NEB: variants seen among roughly 807,000 people sequenced by gnomAD.
NEB encodes the protein nemaline myopathy type 2.
In NEB, 512 loss-of-function variants were observed where a neutral mutation model predicts 952.2. That is an observed-to-expected ratio of 0.54 (90% confidence interval 0.50 to 0.58). NEB has a LOEUF of 0.58. Ranked by LOEUF, NEB falls within the 20% of genes least tolerant of loss-of-function variation. NEB has a pLI of 0.00. For missense variants in NEB, 8,428 were observed against 9,231.1 expected (o/e 0.91, Z 3.56); for synonymous variants, 2,900 against 3,149.8 (o/e 0.92, Z 2.66).
At chr2:151,514,120 C>G (rs1161659531) in intron 159 of NEB, among the ~76,000 whole-genome samples, 198 bp downstream of exon 159, 1 of 152,152 alleles carries the variant, frequency 6.6e-6, no homozygotes, top group Non-Finnish European at 1.5e-5. Context: ...TACAGAAACA[C>G]ACTGTTACAA....
In NEB at chr2:151,506,222, T is replaced by C; in HGVS notation, c.23593A>G (p.Ile7865Val). 1 of 1,613,782 alleles carries C rather than the reference T, an allele frequency of 6.2e-7. No individual in the cohort carries two copies. The highest frequency in any genetic ancestry group is 1.1e-5 in the South Asian group (1 of 91,070). ...CTCATCATCTCAGGTGTCTTTCCGA[T>C]AGCCGTTCCTGGTGAGACATCCTCT... ...YKEDVSPGTA[I>V]GKTPEMMRVK... Residue 7865 changes from isoleucine to valine, a missense_variant, in exon 164 of 182, where the codon ATC (isoleucine) becomes GTC (valine). Ile to Val is a conservative substitution (Grantham distance 29). This residue lies in a region of NEB where 3,374 missense variants were observed against 3,651.5 expected (regional missense o/e 0.92). Transcript: ENST00000397345.
intron 76 of NEB, among the ~76,000 whole-genome samples, chr2:151,614,788 G>A (rs1338381819): frequency 6.6e-6 from 1 of 152,076 alleles, no homozygotes; most frequent in African/African-American, 2.4e-5. Context: ...CCACAAGCAG[G>A]TGGCAGCATG....
chr2:151,647,349 A>G (rs958231941), intron 54 of NEB, among the ~76,000 whole-genome samples: 1 of 152,004 alleles, frequency 6.6e-6, no homozygotes, highest in African/African-American at 2.4e-5. Context: ...ATCGCAGGTG[A>G]TCCACCTGCC....
chr2:151,496,818 A>T (rs576352358), intron 172 of NEB, 123 bp downstream of exon 172: 1 of 1,211,922 alleles, frequency 8.3e-7, no homozygotes, highest in African/African-American at 1.5e-5. Context: ...AAAAGGATAA[A>T]TTTGCTAAAG....
At position 151,496,939 on chromosome 2, in the gene NEB, A is replaced by C; in HGVS notation, c.24393+2T>G. 6.4e-7 allele frequency: 1 copy of C among 1,568,390 alleles called. No individual in the cohort carries two copies. The highest frequency in any genetic ancestry group is 8.7e-7 in the Non-Finnish European group (1 of 1,153,706). On this transcript the variant is annotated splice_donor_variant, in intron 172 of 181. Transcript: ENST00000397345. LOFTEE classifies it high-confidence loss of function. ...AGTTTTTTTCTTTTCTTGCCCAAGT[A>C]CCGAGCTAATATTTTCTTGATTGTG...
rs779548164 is a variant in NEB at position 151,650,713 on chromosome 2, AT to A, written c.7087del (p.Met2363CysfsTer57). On this transcript the variant is annotated frameshift_variant, in exon 53 of 182. Coordinates refer to ENST00000397345, the MANE Select transcript of NEB (RefSeq NM_001164508.2). LOFTEE classifies it high-confidence loss of function. ...WKTKFSSPVD[M>X]LGVVLAKKCQ... ...CTTCTTGGCCAGTACCACTCCCAAC[AT>A]GTCCACTGGGCTGGAGAACTTAGTT... 6.2e-7 allele frequency: 1 copy of A among 1,613,828 alleles called. No individual in the cohort carries two copies. The highest frequency in any genetic ancestry group is 8.5e-7 in the Non-Finnish European group (1 of 1,179,868).
chr2:151,684,460 C>T (rs1361409337), intron 28 of NEB, among the ~76,000 whole-genome samples: 1 of 152,074 alleles, frequency 6.6e-6, no homozygotes, highest in African/African-American at 2.4e-5. Flanking sequence ...CTCACCAGGG[C>T]CTGGCACCAT....
Position 151,690,833 on chromosome 2 carries a change from A to G in NEB, c.2212-8T>C. The G allele has an allele frequency of 6.5e-7, 1 of 1,545,034 alleles. No homozygotes were observed. Among genetic ancestry groups the G allele is most frequent in the Non-Finnish European group, 8.8e-7 (1 of 1,133,882 alleles). On this transcript the variant is annotated splice_region_variant and splice_polypyrimidine_tract_variant and intron_variant, in intron 23 of 181. Coordinates refer to ENST00000397345, the MANE Select transcript of NEB (RefSeq NM_001164508.2). ...ATGAACTTTGTAGGTATGCTAGAAA[A>G]GAAGATGTTCTTTAATGAAATATCA... is the stretch of plus-strand genomic sequence containing the variant.
chr2:151,505,691 G>C (rs763366939), intron 164 of NEB, 121 bp from the exon 165 acceptor site: 38 of 787,402 alleles, frequency 4.8e-5, no homozygotes, highest in African/African-American at 8.5e-5. Context: ...AATAACGCAG[G>C]CTTTATACTT....
At position 151,519,677 on chromosome 2, in the gene NEB, G is replaced by T; in HGVS notation, c.22571C>A (p.Ala7524Asp). ...DSQLYKVMKD[A>D]NNLASEVKYK... Reference sequence around the variant, plus strand: ...ACATACCTCACTTGCAAGATTATTAGCATCTTTCATGACTTTGTAGAGCTG... The same window carrying T: ...ACATACCTCACTTGCAAGATTATTATCATCTTTCATGACTTTGTAGAGCTG... The change falls in exon 154 of 182, where the codon GCT becomes GAT. Residue 7524 changes from alanine (A) to aspartate (D), a missense_variant. By Grantham distance (126) the Ala-to-Asp change is moderately radical. Coordinates refer to ENST00000397345, the MANE Select transcript of NEB (RefSeq NM_001164508.2). The T allele has an allele frequency of 6.2e-7, 1 of 1,609,786 alleles. No individual in the cohort carries two copies. The highest frequency in any genetic ancestry group is 8.5e-7 in the Non-Finnish European group (1 of 1,176,576).
intron 54 of NEB, among the ~76,000 whole-genome samples, chr2:151,646,934 T>C (rs2098967421): frequency 6.7e-6 from 1 of 150,344 alleles, no homozygotes; most frequent in Non-Finnish European, 1.5e-5. Context: ...GTCCAGCTTC[T>C]ATGTGACTTA....
intron 48 of NEB, 79 bp downstream of exon 48, chr2:151,657,904 C>CA (rs1239515771): frequency 1.3e-5 from 12 of 948,944 alleles, no homozygotes; most frequent in Non-Finnish European, 2.0e-5. Flanking sequence ...TGTGTCCACT[C>CA]AGTGTTTCCA....
At chr2:151,533,849 G>A (rs1488951175) in intron 142 of NEB, among the ~76,000 whole-genome samples, 1 of 152,236 alleles carries the variant, frequency 6.6e-6, no homozygotes, top group African/African-American at 2.4e-5. Flanking sequence ...ATAGTAAGGA[G>A]TTATGTCTTC....
In NEB at chr2:151,551,857, A is replaced by G. The variant is rs577874679; in HGVS notation, c.19837-12T>C. 1.4e-4 allele frequency: 217 copies of G among 1,591,728 alleles called. 1 individual carries two copies. In the South Asian group the frequency reaches 2.3e-3, roughly 17 times the overall value. ...TAGTGGTAGACAGCCTGGTGCAGAA[A>G]GAAGCATTGTTAGAAGCAAAGAGAA... is the stretch of plus-strand genomic sequence containing the variant. On this transcript the variant is annotated splice_polypyrimidine_tract_variant and intron_variant, in intron 128 of 181. Transcript: ENST00000397345.
chr2:151,651,431 G>A (rs1203035068), intron 52 of NEB, among the ~76,000 whole-genome samples: 1 of 152,154 alleles, frequency 6.6e-6, no homozygotes, highest in African/African-American at 2.4e-5. Flanking sequence ...TAATAATGCA[G>A]ACTAATCCAT....
At chr2:151,541,745 G>C (rs1477591700) in intron 135 of NEB, among the ~76,000 whole-genome samples, 194 bp from the exon 136 acceptor site, 1 of 152,066 alleles carries the variant, frequency 6.6e-6, no homozygotes, top group African/African-American at 2.4e-5. Context: ...GTCAAAACAA[G>C]AGACATTCTC....
chr2:151,729,069 A>G (rs373984704), intron 4 of NEB, among the ~76,000 whole-genome samples: 2 of 25,326 alleles, frequency 7.9e-5, no homozygotes, highest in African/African-American at 1.0e-4. Context: ...TTTCACCTTG[A>G]AAAAAAAAAG....
chr2:151,604,182 T>A (rs2097593403), intron 85 of NEB, among the ~76,000 whole-genome samples: 6 of 119,650 alleles, frequency 5.0e-5, no homozygotes, highest in Admixed American at 3.7e-4. Flanking sequence ...CCTGTATCGA[T>A]ATCCACCCTG....
chr2:151,500,723 A>G (rs1369532965), intron 168 of NEB, among the ~76,000 whole-genome samples: 1 of 150,148 alleles, frequency 6.7e-6, no homozygotes, highest in Non-Finnish European at 1.5e-5. Flanking sequence ...TCAGCCTCCC[A>G]AGTAGCTGAG....
Sources: gnomAD v4.1 joint callset for allele counts (sites outside exome capture counted in the v4.1 genomes callset) on GRCh38, gnomAD v4.1.1 for gene constraint, gnomAD v4.1.1 regional missense constraint, MANE v1.5 for transcripts, NCBI Gene and HGNC (gene_info 2026-07-23, HGNC 2026-07-21) for gene names.